The following GATC variants were observed in gnomAD, a reference collection of about 807,000 sequenced individuals.
GATC encodes glutamyl-tRNA amidotransferase subunit C, also known as glutamyl-tRNA(Gln) amidotransferase subunit C, mitochondrial.
Under a neutral mutation model 14.4 loss-of-function variants are expected in GATC, and 11 were observed. The ratio of observed to expected loss-of-function variants is 0.77; its 90% CI spans 0.48 to 1.27. The LOEUF (loss-of-function observed/expected upper bound fraction) is 1.27, where lower values mean the gene tolerates loss of function less well. Among genes scored for constraint, GATC ranks in the 50% most tolerant of loss-of-function variants. The pLI is 0.00. For missense variants in GATC, 204 were observed against 183.0 expected (o/e 1.11, Z -0.66); for synonymous variants, 76 against 79.3 (o/e 0.96, Z 0.22).
At chr12:120,451,889 T>C (rs1244785205) in intron 2 of GATC, among the ~76,000 whole-genome samples, 3 of 133,886 alleles carry the variant, frequency 2.2e-5, no homozygotes, top group Non-Finnish European at 3.2e-5. Flanking sequence ...TTTTTTTTTT[T>C]TTTTTTGAGC....
At chr12:120,457,243 G>A in intron 3 of GATC, 64 bp downstream of exon 3, 2 of 1,211,974 alleles carry the variant, frequency 1.7e-6, no homozygotes, top group Non-Finnish European at 2.4e-6. Context: ...GAAGCAGGAA[G>A]CATGAGGACC....
intron 2 of GATC, among the ~76,000 whole-genome samples, chr12:120,456,693 G>T (rs1330839845): frequency 2.0e-5 from 3 of 152,122 alleles, no homozygotes; most frequent in Non-Finnish European, 2.9e-5. Flanking sequence ...CTATTCTGAG[G>T]ATGTGCTACT....
chr12:120,462,272 A>C lies in GATC; in HGVS notation c.*2313A>C. On this transcript the variant is annotated 3_prime_UTR_variant, in exon 4 of 4. Transcript: ENST00000551765. ...GTTAAGTATTGAGCACTTACTGTGT[A>C]CTCTGTGCCTGGCATGAGGCTATCT... 8.4e-7 allele frequency: 1 copy of C among 1,184,702 alleles called. No homozygotes were observed. Among genetic ancestry groups the C allele is most frequent in the Non-Finnish European group, 1.2e-6 (1 of 854,030 alleles). The allele number at this position is 1,184,702 out of a possible 1,614,324, so 73.4% of individuals were successfully genotyped here. A position where few individuals can be genotyped will look rare whatever the true frequency, so the allele number is the denominator to read the frequency against.
In GATC at chr12:120,463,569, G is replaced by A; in HGVS notation, c.*3610G>A. 6.1e-6 allele frequency: 1 copy of A among 162,942 alleles called. No individual in the cohort carries two copies. The highest frequency in any genetic ancestry group is 1.8e-4 in the South Asian group (1 of 5,668). 10.1% of individuals were successfully genotyped at this position (162,942 alleles called of 1,614,324 possible). ...TGAGATGAAGAGGCTGACCTGTAGAGCTCAGCCTGGACCCACAGGAGGGGT... is the reference window on the plus strand; with the variant it reads ...TGAGATGAAGAGGCTGACCTGTAGAACTCAGCCTGGACCCACAGGAGGGGT... On this transcript the variant is annotated 3_prime_UTR_variant, in exon 4 of 4. Transcript: ENST00000551765.
chr12:120,455,981 C>T (rs1207029422), intron 2 of GATC, among the ~76,000 whole-genome samples: 7 of 152,174 alleles, frequency 4.6e-5, no homozygotes, highest in African/African-American at 1.4e-4. Context: ...CCACCGCGCC[C>T]GGCTGACAAC....
chr12:120,456,466 A>G (rs553532653), intron 2 of GATC, among the ~76,000 whole-genome samples: 1 of 152,236 alleles, frequency 6.6e-6, no homozygotes, highest in African/African-American at 2.4e-5. Flanking sequence ...TCTTGTGGCA[A>G]GTTTGCTTCC....
chr12:120,453,807 C>A (rs1878109310), intron 2 of GATC, among the ~76,000 whole-genome samples: 1 of 150,146 alleles, frequency 6.7e-6, no homozygotes, highest in African/African-American at 2.4e-5. Context: ...CACAGCAAGA[C>A]CCTGTCTCAA....
At chr12:120,459,584 C>A (rs943908231) in intron 3 of GATC, among the ~76,000 whole-genome samples, 4 of 152,148 alleles carry the variant, frequency 2.6e-5, no homozygotes, top group Admixed American at 6.5e-5. Flanking sequence ...TGGCCGGGCG[C>A]GGTGGCTCAT....
At chr12:120,456,011 T>G (rs1878175745) in intron 2 of GATC, among the ~76,000 whole-genome samples, 1 of 152,206 alleles carries the variant, frequency 6.6e-6, no homozygotes, top group Non-Finnish European at 1.5e-5. Flanking sequence ...ATGTGCAGCC[T>G]TAGCCCAGAT....
intron 2 of GATC, among the ~76,000 whole-genome samples, chr12:120,450,156 A>T (rs1476678149): frequency 2.0e-5 from 3 of 152,206 alleles, no homozygotes; most frequent in East Asian, 1.9e-4. Flanking sequence ...AATACAAAGA[A>T]ATATAACCAT....
At chr12:120,450,380 A>ATT (rs1037365620) in intron 2 of GATC, 6 of 152,076 alleles carry the variant, frequency 3.9e-5, no homozygotes, top group African/African-American at 1.4e-4. Context: ...TAAACCTTTT[A>ATT]TTTTTTATTT....
In GATC at chr12:120,459,101, C is replaced by T. The variant is rs117872111; in HGVS notation, c.359-806C>T. 6.2e-3 allele frequency among the ~76,000 whole-genome samples: 943 copies of T among 152,052 alleles called. 31 individuals are homozygous for T. In the East Asian group the frequency reaches 0.074, roughly 12 times the overall value. ...GGTCTCTCTCTCCTGACCTCGTGATCGTCCGCTTCGGCCTCCCAGAGTGCT... is the reference window on the plus strand; with the variant it reads ...GGTCTCTCTCTCCTGACCTCGTGATTGTCCGCTTCGGCCTCCCAGAGTGCT... On this transcript the variant is annotated intron_variant, in intron 3 of 3. Transcript: ENST00000551765.
At chr12:120,457,239 G>A (rs751758164) in intron 3 of GATC, 60 bp downstream of exon 3, 8 of 1,215,610 alleles carry the variant, frequency 6.6e-6, no homozygotes, top group Non-Finnish European at 8.5e-6. Context: ...GAATGAAGCA[G>A]GAAGCATGAG....
At position 120,463,110 on chromosome 12, in the gene GATC, C is replaced by G. The variant is rs1237526005; in HGVS notation, c.*3151C>G. On this transcript the variant is annotated 3_prime_UTR_variant, in exon 4 of 4. Transcript: ENST00000551765. ...TCATAGTAAGGCAGGACAGGATAACCAGAAAAAAACAATGTCCAACTGGTC... is the reference window on the plus strand; with the variant it reads ...TCATAGTAAGGCAGGACAGGATAACGAGAAAAAAACAATGTCCAACTGGTC... 2 of 111,484 alleles carry G rather than the reference C, an allele frequency of 1.8e-5. No individual in the cohort carries two copies. Among genetic ancestry groups the G allele is most frequent in the African/African-American group, 8.8e-5 (2 of 22,624 alleles). 6.9% of individuals were successfully genotyped at this position (111,484 alleles called of 1,614,324 possible).
chr12:120,446,616 A>G (rs764365523), intron 1 of GATC, 41 bp from the exon 2 acceptor site: 122 of 1,592,412 alleles, frequency 7.7e-5, no homozygotes, highest in Middle Eastern at 3.3e-4. Context: ...GGCACTTCGG[A>G]GCGCCGGTGA....
intron 2 of GATC, among the ~76,000 whole-genome samples, chr12:120,453,398 T>G (rs78577696): frequency 0.029 from 4,379 of 152,162 alleles, 146 homozygotes; most frequent in East Asian, 0.12. Context: ...TTTTTTCAGT[T>G]CTCCCAAGGA....
intron 2 of GATC, among the ~76,000 whole-genome samples, chr12:120,453,728 T>G (rs1364795196): frequency 6.6e-6 from 1 of 151,676 alleles, no homozygotes; most frequent in African/African-American, 2.4e-5. Context: ...ACACCTGTAA[T>G]CCCAGCTGCT....
intron 2 of GATC, among the ~76,000 whole-genome samples, chr12:120,448,021 TG>T (rs1877924813): frequency 6.6e-6 from 1 of 152,188 alleles, no homozygotes; most frequent in South Asian, 2.1e-4. Context: ...CCTAAAGTAC[TG>T]GGATTACAGG....
At chr12:120,458,098 ATTTT>A (rs11434555) in intron 3 of GATC, among the ~76,000 whole-genome samples, 1 of 136,732 alleles carries the variant, frequency 7.3e-6, no homozygotes, top group Non-Finnish European at 1.6e-5. Context: ...TATTTCTTAA[ATTTT>A]TTTTTTTTTT....
Sources: allele counts gnomAD v4.1 joint callset (sites outside exome capture counted in the v4.1 genomes callset), GRCh38; gene constraint gnomAD v4.1.1; transcripts MANE v1.5; gene names NCBI Gene and HGNC (gene_info 2026-07-23, HGNC 2026-07-21).